GPC3: variants seen among roughly 807,000 people sequenced by gnomAD.
The protein encoded by GPC3 is glypican-3.
In GPC3, 3 loss-of-function variants were observed where a neutral mutation model predicts 34.4. The ratio of observed to expected loss-of-function variants is 0.09; its 90% CI spans 0.04 to 0.23. The LOEUF is 0.23. GPC3 is among the 10% of genes least tolerant of loss of function. GPC3 has a pLI of 1.00. For missense variants in GPC3, 351 were observed against 445.6 expected (o/e 0.79, Z 1.91); for synonymous variants, 177 against 174.0 (o/e 1.02, Z -0.13).
At chrX:133,597,664 C>T (rs1473771373) in intron 6 of GPC3, among the ~76,000 whole-genome samples, 1 of 112,077 alleles carries the variant, frequency 8.9e-6, no homozygotes, top group Non-Finnish European at 1.9e-5. Context: ...TGTGATTTAG[C>T]TGCCACCCTG....
intron 1 of GPC3, among the ~76,000 whole-genome samples, chrX:133,979,643 C>G (rs1412198353): frequency 9.0e-6 from 1 of 111,612 alleles, no homozygotes; most frequent in Non-Finnish European, 1.9e-5. Flanking sequence ...CCACCTTCAC[C>G]TTGATTTTTG....
chrX:133,647,096 C>T (rs755252692), intron 6 of GPC3, among the ~76,000 whole-genome samples: 2 of 112,279 alleles, frequency 1.8e-5, no homozygotes, highest in South Asian at 7.5e-4. Flanking sequence ...AATCCCCCTA[C>T]TTTCTTGCCT....
chrX:133,711,005 C>A (rs1019288124), intron 3 of GPC3, among the ~76,000 whole-genome samples: 1 of 111,552 alleles, frequency 9.0e-6, no homozygotes, highest in African/African-American at 3.3e-5. Flanking sequence ...TCAAATACCA[C>A]TCCCCCAAAT....
chrX:133,742,515 CA>C (rs756037577), intron 3 of GPC3, among the ~76,000 whole-genome samples: 17 of 111,807 alleles, frequency 1.5e-4, no homozygotes, highest in Admixed American at 1.2e-3. Flanking sequence ...AAATAATTCA[CA>C]GCATAGGTTT....
intron 7 of GPC3, among the ~76,000 whole-genome samples, chrX:133,593,354 T>TAAAA (rs1186766438): frequency 6.3e-5 from 3 of 47,688 alleles, no homozygotes; most frequent in African/African-American, 8.7e-5. Context: ...AAAAAAAAAG[T>TAAAA]AAAAAAAAAA....
intron 2 of GPC3, among the ~76,000 whole-genome samples, chrX:133,757,806 C>A (rs1402902588): frequency 9.0e-6 from 1 of 111,231 alleles, no homozygotes; most frequent in Non-Finnish European, 1.9e-5. Context: ...GCTTAGGTAC[C>A]TTAACGGAAG....
intron 6 of GPC3, among the ~76,000 whole-genome samples, chrX:133,615,192 T>G (rs913300256): frequency 8.9e-6 from 1 of 111,806 alleles, no homozygotes. Context: ...CAACTCATTC[T>G]ATGAAGTCAG....
chrX:133,651,540 T>A (rs2070603379), intron 6 of GPC3, among the ~76,000 whole-genome samples: 1 of 111,814 alleles, frequency 8.9e-6, no homozygotes, highest in Non-Finnish European at 1.9e-5. Context: ...TTCACATTTA[T>A]CCCCATGGGG....
At chrX:133,625,887 A>T (rs1209587962) in intron 6 of GPC3, among the ~76,000 whole-genome samples, 2 of 112,476 alleles carry the variant, frequency 1.8e-5, no homozygotes, top group African/African-American at 6.5e-5. Flanking sequence ...ACAAAGCTGG[A>T]GGCATCACGC....
At chrX:133,877,685 G>A (rs2124580327) in intron 2 of GPC3, among the ~76,000 whole-genome samples, 1 of 111,915 alleles carries the variant, frequency 8.9e-6, no homozygotes, top group Non-Finnish European at 1.9e-5. Flanking sequence ...AATCTAAGAT[G>A]ATTAACTCAA....
At chrX:133,669,410 C>T (rs1446732735) in intron 5 of GPC3, among the ~76,000 whole-genome samples, 2 of 112,131 alleles carry the variant, frequency 1.8e-5, no homozygotes, top group East Asian at 5.6e-4. Context: ...AGCTTCAAGC[C>T]CAGAGGGAAG....
chrX:133,584,282 A>C (rs2069762538), intron 7 of GPC3, among the ~76,000 whole-genome samples: 1 of 111,802 alleles, frequency 8.9e-6, no homozygotes, highest in Non-Finnish European at 1.9e-5. Context: ...CATGGAGGGA[A>C]GGAGAATAGG....
intron 5 of GPC3, among the ~76,000 whole-genome samples, chrX:133,667,138 C>T (rs182545354): frequency 1.8e-5 from 2 of 112,026 alleles, no homozygotes; most frequent in East Asian, 2.8e-4. Context: ...CATTGTTAAA[C>T]GATTATGCCA....
chrX:133,591,008 C>A (rs767532489), intron 7 of GPC3, among the ~76,000 whole-genome samples: 4 of 111,722 alleles, frequency 3.6e-5, no homozygotes, highest in Non-Finnish European at 7.5e-5. Flanking sequence ...TTAGGACATA[C>A]GGGAGAAGCA....
intron 3 of GPC3, among the ~76,000 whole-genome samples, chrX:133,714,595 AAATT>A (rs2071297770): frequency 9.0e-6 from 1 of 111,225 alleles, no homozygotes; most frequent in Non-Finnish European, 1.9e-5. Flanking sequence ...ATTATAAATT[AAATT>A]ATTTATAAAT....
intron 7 of GPC3, among the ~76,000 whole-genome samples, chrX:133,569,970 C>A (rs1303396135): frequency 3.7e-5 from 4 of 109,166 alleles, no homozygotes. Flanking sequence ...TGGCTCACTG[C>A]AACCTCCACC....
chrX:133,873,254 A>T (rs887169574), intron 2 of GPC3, among the ~76,000 whole-genome samples: 3 of 112,013 alleles, frequency 2.7e-5, no homozygotes, highest in Non-Finnish European at 3.8e-5. Context: ...CTCAAGGCAA[A>T]TGAATTAAAA....
chrX:133,662,529 C>T (rs1399851326), intron 5 of GPC3, among the ~76,000 whole-genome samples: 1 of 111,983 alleles, frequency 8.9e-6, no homozygotes, highest in Non-Finnish European at 1.9e-5. Context: ...ACATCCTCAC[C>T]ATCATGAGAA....
At chrX:133,649,001 A>T (rs1476663752) in intron 6 of GPC3, among the ~76,000 whole-genome samples, 1 of 112,112 alleles carries the variant, frequency 8.9e-6, no homozygotes, top group Non-Finnish European at 1.9e-5. Context: ...ATAGTAAGGT[A>T]GGCATGTTTT....
Sources: allele counts gnomAD v4.1 joint callset (sites outside exome capture counted in the v4.1 genomes callset), GRCh38; gene constraint gnomAD v4.1.1; transcripts MANE v1.5; gene names NCBI Gene and HGNC (gene_info 2026-07-23, HGNC 2026-07-21).